The following COL24A1 variants were observed in gnomAD, a reference collection of about 807,000 sequenced individuals.
COL24A1 encodes the protein collagen type XXIV alpha 1 chain, also known as collagen alpha-1(XXIV) chain.
In COL24A1, 224 loss-of-function variants were observed where a neutral mutation model predicts 253.9. That is an observed-to-expected ratio of 0.88 (90% CI 0.79 to 0.99). The LOEUF is 0.99. COL24A1 is among the 50% of genes least tolerant of loss of function. COL24A1 has a pLI of 0.00. For missense variants in COL24A1, 2,131 were observed against 2,068.5 expected (o/e 1.03, Z -0.59); for synonymous variants, 685 against 673.7 (o/e 1.02, Z -0.26).
intron 24 of COL24A1, among the ~76,000 whole-genome samples, chr1:85,919,601 G>C (rs547861414): frequency 6.6e-6 from 1 of 152,288 alleles, no homozygotes; most frequent in South Asian, 2.1e-4. Flanking sequence ...GGAGGCTTGA[G>C]CCCAGGAGTT....
intron 4 of COL24A1, 123 bp downstream of exon 4, chr1:86,115,202 A>G: frequency 1.2e-6 from 1 of 866,210 alleles, no homozygotes; most frequent in Non-Finnish European, 1.8e-6. Context: ...TGGCTAAGGT[A>G]GGACTAAGTT....
intron 52 of COL24A1, among the ~76,000 whole-genome samples, chr1:85,776,898 T>G (rs1463440278): frequency 6.6e-6 from 1 of 152,090 alleles, no homozygotes; most frequent in East Asian, 1.9e-4. Flanking sequence ...TCATCTTGTC[T>G]CAATTCATTT....
Position 86,031,029 on chromosome 1 carries a change from A to G in COL24A1, c.2049+849T>C, listed in dbSNP as rs571717691. ...CCATGTTTATTGCAGCACTATTCAC[A>G]ATAGCCAAAATACAGAATCAACTTA... On this transcript the variant is annotated intron_variant, in intron 14 of 59. Coordinates refer to ENST00000370571, the MANE Select transcript of COL24A1 (RefSeq NM_152890.7). Among the ~76,000 whole-genome samples the G allele has an allele frequency of 6.4e-4, 98 of 152,314 alleles. 1 individual carries two copies.
intron 10 of COL24A1, among the ~76,000 whole-genome samples, chr1:86,054,172 G>A (rs1700510763): frequency 6.6e-6 from 1 of 152,080 alleles, no homozygotes; most frequent in African/African-American, 2.4e-5. Context: ...GACTTAGTAT[G>A]TAAGACCTCA....
In COL24A1 at chr1:85,927,266, T is replaced by A. The variant is rs567876658; in HGVS notation, c.2563-15833A>T. ...AAGCAGGGCAAGGCATTGCCTCACC[T>A]GGGAAGCGCAAGGAGTCAGGGAGTT... On this transcript the variant is annotated intron_variant, in intron 24 of 59. Coordinates refer to ENST00000370571, the MANE Select transcript of COL24A1 (RefSeq NM_152890.7). Among the ~76,000 whole-genome samples the A allele has an allele frequency of 4.5e-3, 679 of 152,298 alleles. 5 individuals carry two copies. The highest frequency in any genetic ancestry group is 0.016 in the African/African-American group (647 of 41,564).
chr1:86,079,049 A>G (rs964012631), intron 7 of COL24A1, among the ~76,000 whole-genome samples: 13 of 152,332 alleles, frequency 8.5e-5, no homozygotes, highest in African/African-American at 1.7e-4. Context: ...ACCTGATTTC[A>G]AATTATACTG....
intron 20 of COL24A1, among the ~76,000 whole-genome samples, chr1:85,983,215 C>T (rs1693416407): frequency 6.6e-6 from 1 of 151,964 alleles, no homozygotes; most frequent in Non-Finnish European, 1.5e-5. Flanking sequence ...AATTATTCCT[C>T]TGTTTACTGG....
intron 14 of COL24A1, among the ~76,000 whole-genome samples, chr1:86,028,768 T>TAACC (rs1698281491): frequency 6.6e-6 from 1 of 152,212 alleles, no homozygotes; most frequent in African/African-American, 2.4e-5. Context: ...TTTTACTGAG[T>TAACC]ACTTTTATGT....
intron 5 of COL24A1, 27 bp from the exon 6 acceptor site, chr1:86,092,347 G>T: frequency 6.4e-7 from 1 of 1,558,870 alleles, no homozygotes; most frequent in Non-Finnish European, 8.8e-7. Flanking sequence ...TAAAACAGTT[G>T]GTGAAGCATA....
At chr1:86,081,368 T>C (rs983828690) in intron 7 of COL24A1, among the ~76,000 whole-genome samples, 1 of 151,970 alleles carries the variant, frequency 6.6e-6, no homozygotes, top group African/African-American at 2.4e-5. Context: ...TATTCATCAC[T>C]ACTACTTTAC....
intron 24 of COL24A1, among the ~76,000 whole-genome samples, chr1:85,914,713 A>G (rs12568614): frequency 0.12 from 17,763 of 152,182 alleles, 1,151 homozygotes; most frequent in South Asian, 0.23. Context: ...ATCATATAAC[A>G]TAAGACGTAT....
Position 86,089,196 on chromosome 1 carries a change from G to A in COL24A1, c.1685C>T (p.Pro562Leu), listed in dbSNP as rs2101958169. 6.3e-7 allele frequency: 1 copy of A among 1,585,248 alleles called. No individual in the cohort carries two copies. The highest frequency in any genetic ancestry group is 8.5e-7 in the Non-Finnish European group (1 of 1,172,454). The change falls in exon 7 of 60, where the codon CCC (proline) becomes CTC (leucine). Residue 562 changes from proline (P) to leucine (L), a missense_variant. Pro to Leu is a moderately conservative substitution (Grantham distance 98). Transcript: ENST00000370571. ...GDQGLSGLMGPPGMQGDKGLK... is the reference protein window; with the variant it reads ...GDQGLSGLMGLPGMQGDKGLK... ...TACCTTATCACCTTGCATACCAGGGGGGCCCATTAATCCAGAAAGGCCTTG... is the reference window on the plus strand; with the variant it reads ...TACCTTATCACCTTGCATACCAGGGAGGCCCATTAATCCAGAAAGGCCTTG...
At chr1:85,826,886 C>T (rs1570781381) in intron 43 of COL24A1, among the ~76,000 whole-genome samples, 1 of 152,188 alleles carries the variant, frequency 6.6e-6, no homozygotes, top group East Asian at 1.9e-4. Context: ...GACAATTTGA[C>T]TTCCTCTTTT....
intron 48 of COL24A1, among the ~76,000 whole-genome samples, chr1:85,784,833 C>T (rs190084004): frequency 2.6e-5 from 4 of 152,156 alleles, no homozygotes; most frequent in East Asian, 1.9e-4. Context: ...TGGGCTCAAG[C>T]GATCCTCCCA....
intron 2 of COL24A1, among the ~76,000 whole-genome samples, chr1:86,128,974 A>C (rs1298135859): frequency 6.6e-6 from 1 of 151,790 alleles, no homozygotes; most frequent in South Asian, 2.1e-4. Flanking sequence ...TTGAAATTTC[A>C]TTATTTTCTA....
intron 38 of COL24A1, among the ~76,000 whole-genome samples, 163 bp downstream of exon 38, chr1:85,849,186 CCTAA>C (rs1570906072): frequency 6.6e-6 from 1 of 151,990 alleles, no homozygotes; most frequent in Non-Finnish European, 1.5e-5. Flanking sequence ...AATAAGTACT[CCTAA>C]CTGAAATTAA....
At position 85,842,367 on chromosome 1, in the gene COL24A1, A is replaced by G. The variant is rs769899658; in HGVS notation, c.3489T>C (p.Asp1163=). 1 of 1,601,038 alleles carries G rather than the reference A, an allele frequency of 6.2e-7. No individual in the cohort carries two copies. Among genetic ancestry groups the G allele is most frequent in the South Asian group, 1.1e-5 (1 of 88,750 alleles). Residue 1163 remains aspartate, a synonymous_variant, in exon 40 of 60, where the codon GAT becomes GAC. Transcript: ENST00000370571. ...TGTACCCTGGAATTCCTGGTTCTCC[A>G]TCAGGTCCCATCAATCCTAAATGTC... ...AVGHLGLMGP[D]GEPGIPGYRG...
intron 22 of COL24A1, among the ~76,000 whole-genome samples, chr1:85,967,574 G>A (rs1691690309): frequency 6.6e-6 from 1 of 152,140 alleles, no homozygotes. Context: ...TAATGACAAA[G>A]TAAAGGGTAT....
intron 28 of COL24A1, among the ~76,000 whole-genome samples, chr1:85,901,913 A>T (rs1237480996): frequency 1.1e-4 from 16 of 151,924 alleles, no homozygotes; most frequent in Non-Finnish European, 1.2e-4. Context: ...TAAATCACAT[A>T]TCGAAGGGAC....
Sources: allele counts gnomAD v4.1 joint callset (sites outside exome capture counted in the v4.1 genomes callset), GRCh38; gene constraint gnomAD v4.1.1; transcripts MANE v1.5; gene names NCBI Gene and HGNC (gene_info 2026-07-23, HGNC 2026-07-21).